The following AMD1 variants were observed in gnomAD, a reference collection of about 807,000 sequenced individuals.
The protein encoded by AMD1 is S-adenosylmethionine decarboxylase proenzyme.
In AMD1, 11 loss-of-function variants were observed where a neutral mutation model predicts 40.2. The ratio of observed to expected loss-of-function variants is 0.27; its 90% CI spans 0.17 to 0.45. The LOEUF (loss-of-function observed/expected upper bound fraction) is 0.45. Among genes scored for constraint, AMD1 ranks in the 20% least tolerant of loss-of-function variants. The pLI is 1.00. For synonymous variants in AMD1, 121 were observed against 130.8 expected, an observed-to-expected ratio of 0.93 and a Z score of 0.51; for missense variants, 257 against 410.2, an observed-to-expected ratio of 0.63 and a Z score of 3.23.
chr6:110,892,578 T>G, intron 6 of AMD1, 135 bp downstream of exon 6: 9 of 1,417,292 alleles, frequency 6.4e-6, no homozygotes, highest in Non-Finnish European at 8.7e-6. Flanking sequence ...CATGGGGGTT[T>G]GTCGTACACA....
At chr6:110,855,065 C>CTTTTTTT in the AMD1 span, among the ~76,000 whole-genome samples, 192 of 80,462 alleles carry the variant, frequency 2.4e-3, 8 homozygotes, top group Non-Finnish European at 3.2e-3. Flanking sequence ...CTCTCTCTCT[C>CTTTTTTT]TTTTTTTTTT....
the AMD1 span, among the ~76,000 whole-genome samples, chr6:110,827,148 G>A: frequency 1.3e-5 from 2 of 152,134 alleles, no homozygotes; most frequent in East Asian, 1.9e-4. Flanking sequence ...TAAATTTTAC[G>A]GGAACAGCAT....
At position 110,892,948 on chromosome 6, in the gene AMD1, A is replaced by T; in HGVS notation, c.747A>T (p.Glu249Asp). 1 of 1,613,950 alleles carries T rather than the reference A, an allele frequency of 6.2e-7. No individual in the cohort carries two copies. The highest frequency in any genetic ancestry group is 1.1e-5 in the South Asian group (1 of 91,074). ...YWTIHITPEP[E>D]FSYVSFETNL... ...CTATTCACATCACTCCAGAACCAGA[A>T]TTTTCTTATGTTAGCTTTGAAACAA... is the stretch of plus-strand genomic sequence containing the variant. The change falls in exon 8 of 9, where the codon GAA becomes GAT. Residue 249 changes from glutamate to aspartate, a missense_variant. By Grantham distance (45) the Glu-to-Asp change is conservative (BLOSUM62 2). Transcript: ENST00000368885.
the AMD1 span, chr6:110,859,020 G>T: frequency 8.3e-7 from 1 of 1,209,508 alleles, no homozygotes; most frequent in African/African-American, 1.5e-5. Context: ...CTTTGGCCTG[G>T]GCCGGCAGAT....
At chr6:110,883,768 T>TA (rs1159453289) in intron 1 of AMD1, among the ~76,000 whole-genome samples, 34 of 152,048 alleles carry the variant, frequency 2.2e-4, no homozygotes, top group African/African-American at 8.2e-4. Flanking sequence ...ATTTTTTTTT[T>TA]TTTTATTTTT....
At chr6:110,858,157 C>A in the AMD1 span, 1 of 595,868 alleles carries the variant, frequency 1.7e-6, no homozygotes, top group East Asian at 3.2e-5. Flanking sequence ...ATAAAAATAT[C>A]CCTAGAGGAG....
the AMD1 span, among the ~76,000 whole-genome samples, chr6:110,835,984 G>T: frequency 7.9e-6 from 1 of 126,934 alleles, no homozygotes; most frequent in East Asian, 2.6e-4. Flanking sequence ...CTGCACTCCA[G>T]CCTGGGCAAC....
the AMD1 span, among the ~76,000 whole-genome samples, chr6:110,862,089 G>A: frequency 7.2e-6 from 1 of 139,614 alleles, no homozygotes. Flanking sequence ...GCGTGATCTT[G>A]GCTCACTGCA....
At chr6:110,817,534 G>C in the AMD1 span, among the ~76,000 whole-genome samples, 1 of 152,036 alleles carries the variant, frequency 6.6e-6, no homozygotes, top group Admixed American at 6.6e-5. Context: ...CCTTGAACCC[G>C]GGAGGCAGAA....
At chr6:110,826,714 G>A in the AMD1 span, among the ~76,000 whole-genome samples, 1 of 147,290 alleles carries the variant, frequency 6.8e-6, no homozygotes, top group East Asian at 2.0e-4. Flanking sequence ...TTGTGAGACG[G>A]AGTTTCACTC....
chr6:110,893,955 A>G lies in AMD1; in HGVS notation c.*339A>G, dbSNP rs1400182468. On this transcript the variant is annotated 3_prime_UTR_variant, in exon 9 of 9. Transcript: ENST00000368885. ...TTATGCACAGTGTAATATTTCTCCA[A>G]GTATCATCCAAAATTCCCCACAGAC... is the stretch of plus-strand genomic sequence containing the variant. 4.5e-5 allele frequency: 10 copies of G among 222,338 alleles called. No individual in the cohort carries two copies. The highest frequency in any genetic ancestry group is 9.1e-5 in the Non-Finnish European group (10 of 109,412). The allele number at this position is 222,338 out of a possible 1,614,324, so 13.8% of individuals were successfully genotyped here. A position where few individuals can be genotyped will look rare whatever the true frequency, so the allele number is the denominator to read the frequency against.
the AMD1 span, among the ~76,000 whole-genome samples, chr6:110,841,563 GA>G: frequency 1.3e-5 from 2 of 151,720 alleles, no homozygotes; most frequent in African/African-American, 4.8e-5. Flanking sequence ...ACCTATTTAA[GA>G]AAATTTTAAA....
chr6:110,874,993 T>C lies in AMD1; in HGVS notation c.-113T>C. 1 of 717,474 alleles carries C rather than the reference T, an allele frequency of 1.4e-6. No homozygotes were observed. The highest frequency in any genetic ancestry group is 2.3e-6 in the Non-Finnish European group (1 of 442,590). The allele number at this position is 717,474 out of a possible 1,614,324, so 44.4% of individuals were successfully genotyped here. Reference sequence around the variant, plus strand: ...ATTATAGCAAAAAAAAAAAGGAACCTGAACTTTAGTAACACAGCTGGAACA... The same window carrying C: ...ATTATAGCAAAAAAAAAAAGGAACCCGAACTTTAGTAACACAGCTGGAACA... On this transcript the variant is annotated 5_prime_UTR_variant, in exon 1 of 9. Transcript: ENST00000368885.
the AMD1 span, chr6:110,815,690 G>C: frequency 6.6e-6 from 1 of 152,654 alleles, no homozygotes; most frequent in Admixed American, 6.5e-5. Context: ...CGAAGTTCCA[G>C]TGTGCTTTCT....
chr6:110,893,333 G>A, intron 8 of AMD1, 143 bp from the exon 9 acceptor site: 1 of 1,161,620 alleles, frequency 8.6e-7, no homozygotes, highest in African/African-American at 1.6e-5. Context: ...AAGATGCCCT[G>A]GCCCCTCCAG....
the AMD1 span, among the ~76,000 whole-genome samples, chr6:110,829,092 C>A: frequency 6.6e-6 from 1 of 151,700 alleles, no homozygotes; most frequent in Non-Finnish European, 1.5e-5. Context: ...ATCATTTGAA[C>A]CTGACAGGCG....
At chr6:110,825,973 C>G in the AMD1 span, among the ~76,000 whole-genome samples, 2 of 151,856 alleles carry the variant, frequency 1.3e-5, no homozygotes, top group Non-Finnish European at 2.9e-5. Context: ...TTGAGACCAG[C>G]CTGGGCAACA....
At chr6:110,858,097 G>A in the AMD1 span, 1 of 467,990 alleles carries the variant, frequency 2.1e-6, no homozygotes, top group Non-Finnish European at 4.0e-6. Context: ...TCCCATCTTG[G>A]CCTCCCAACG....
chr6:110,836,162 TC>T, the AMD1 span, among the ~76,000 whole-genome samples: 23 of 152,000 alleles, frequency 1.5e-4, no homozygotes, highest in African/African-American at 4.8e-4. Context: ...TACAAAAATA[TC>T]CCTTTTGACC....
Sources: gnomAD v4.1 joint callset for allele counts (sites outside exome capture counted in the v4.1 genomes callset) on GRCh38, gnomAD v4.1.1 for gene constraint, MANE v1.5 for transcripts, NCBI Gene and HGNC (gene_info 2026-07-23, HGNC 2026-07-21) for gene names.